Variants in FAM228B observed in about 807,000 individuals in gnomAD.
FAM228B encodes the protein protein FAM228B.
A neutral mutation model predicts 42.6 loss-of-function variants in FAM228B; 38 were observed. The observed-to-expected ratio is 0.89, with a 90% CI of 0.69 to 1.17. The LOEUF is 1.17. FAM228B is among the 50% of genes most tolerant of loss of function. The pLI is 0.00. For synonymous variants in FAM228B, 109 were observed against 122.3 expected, an observed-to-expected ratio of 0.89 and a Z score of 0.72; for missense variants, 344 against 367.3, an observed-to-expected ratio of 0.94 and a Z score of 0.52.
intron 5 of FAM228B, among the ~76,000 whole-genome samples, chr2:24,141,490 C>T (rs1247294838): frequency 2.0e-5 from 3 of 152,094 alleles, no homozygotes; most frequent in Admixed American, 1.3e-4. Context: ...GTGATCCACC[C>T]GCCTCGACCT....
intron 4 of FAM228B, among the ~76,000 whole-genome samples, chr2:24,138,641 A>C (rs181048313): frequency 1.5e-4 from 22 of 147,782 alleles, no homozygotes; most frequent in Non-Finnish European, 2.2e-4. Flanking sequence ...AGCCCTCCCC[A>C]TGTAATTATT....
At chr2:24,123,628 T>C (rs1359809592) in intron 1 of FAM228B, 95 bp downstream of exon 1, 3 of 151,720 alleles carry the variant, frequency 2.0e-5, no homozygotes, top group Non-Finnish European at 4.4e-5. Context: ...GGCCCGAGTG[T>C]GTAGCAGGAC....
intron 10 of FAM228B, 80 bp downstream of exon 10, chr2:24,167,763 A>G: frequency 6.7e-7 from 1 of 1,488,124 alleles, no homozygotes. Flanking sequence ...TGATATCTTC[A>G]GAGTCCACAG....
At chr2:24,142,396 A>G (rs959932091) in intron 5 of FAM228B, 1 of 152,190 alleles carries the variant, frequency 6.6e-6, no homozygotes, top group Admixed American at 6.5e-5. Context: ...TTCCCTTCAG[A>G]TGGATCTTCA....
chr2:24,079,981 A>G (rs1664928658), intron 1 of FAM228B, among the ~76,000 whole-genome samples: 1 of 152,208 alleles, frequency 6.6e-6, no homozygotes, highest in Non-Finnish European at 1.5e-5. Context: ...AGTTGTTCAC[A>G]TAGAAGTTAG....
chr2:24,168,247 G>C (rs527454684), intron 10 of FAM228B, among the ~76,000 whole-genome samples: 2 of 152,298 alleles, frequency 1.3e-5, no homozygotes, highest in African/African-American at 4.8e-5. Context: ...CAATCACCTG[G>C]GGGTGAGTGT....
At chr2:24,141,670 G>A (rs1013187174) in intron 5 of FAM228B, among the ~76,000 whole-genome samples, 11 of 152,186 alleles carry the variant, frequency 7.2e-5, no homozygotes, top group African/African-American at 1.9e-4. Flanking sequence ...GAGCCACCGC[G>A]CCTGGCCTAG....
At chr2:24,165,647 G>A (rs1468499909) in intron 9 of FAM228B, 2 of 343,156 alleles carry the variant, frequency 5.8e-6, no homozygotes, top group Non-Finnish European at 1.2e-5. Context: ...GACCATGGAA[G>A]AGCACAATTT....
chr2:24,085,643 C>G (rs1190553993), intron 2 of FAM228B: 1 of 152,200 alleles, frequency 6.6e-6, no homozygotes, highest in East Asian at 1.9e-4. Flanking sequence ...CCCCTTACCC[C>G]TGATGCCTCT....
Position 24,077,680 on chromosome 2 carries a change from C to G in FAM228B, c.-290+711C>G, listed in dbSNP as rs1464748431. The G allele has an allele frequency of 5.0e-6, 8 of 1,613,970 alleles. No individual in the cohort carries two copies. Among genetic ancestry groups the G allele is most frequent in the Admixed American group, 1.7e-5 (1 of 60,002 alleles). ...GTCACTGGGTAGATTCTGTCCAGAACCGGCAGCAGACGTTGGGGGCCCTCC... is the reference window on the plus strand; with the variant it reads ...GTCACTGGGTAGATTCTGTCCAGAAGCGGCAGCAGACGTTGGGGGCCCTCC... On this transcript the variant is annotated intron_variant, in intron 1 of 10. Coordinates refer to the FAM228B transcript ENST00000613899. The surrounding 1 kb of genome is among the most constrained non-coding windows in gnomAD (Gnocchi z 5.5).
At chr2:24,115,298 A>G in intron 3 of FAM228B, 1 of 397,266 alleles carries the variant, frequency 2.5e-6, no homozygotes, top group East Asian at 4.6e-5. Flanking sequence ...GGTGTGTAGG[A>G]GTACAAGAGC....
chr2:24,106,791 T>C (rs1665708244), intron 3 of FAM228B, among the ~76,000 whole-genome samples: 1 of 152,132 alleles, frequency 6.6e-6, no homozygotes, highest in African/African-American at 2.4e-5. Flanking sequence ...GTAGCAAATA[T>C]GGATGGGAAA....
Position 24,124,399 on chromosome 2 carries a change from C to T in FAM228B, c.38C>T (p.Thr13Ile). 2 of 1,551,908 alleles carry T rather than the reference C, an allele frequency of 1.3e-6. No homozygotes were observed. Among genetic ancestry groups the T allele is most frequent in the Non-Finnish European group, 1.7e-6 (2 of 1,147,018 alleles). ...GACAGTGATGATCTGGTAACTGGCA[C>T]ACTTCCCAAGCTCAAGAGCTCAAAA... ...NVDSDDLVTG[T>I]LPKLKSSKEW... is the part of the protein sequence containing the mutation. Residue 13 changes from threonine to isoleucine, a missense_variant, in exon 2 of 11, where the codon ACA (threonine) becomes ATA (isoleucine). Physicochemically the swap from Thr to Ile is moderately conservative, Grantham distance 89. Transcript: ENST00000615575.
At position 24,116,821 on chromosome 2, in the gene FAM228B, G is replaced by A. The variant is rs1364488385; in HGVS notation, c.-120-18298G>A. On this transcript the variant is annotated intron_variant, in intron 3 of 10. Coordinates refer to the FAM228B transcript ENST00000613899. ...ATCTCTTGAACCTGGAAGTTGCAGG[G>A]AGCCAATATCACACCACTGCACTTT... 2.6e-5 allele frequency among the ~76,000 whole-genome samples: 4 copies of A among 151,130 alleles called. No individual in the cohort carries two copies. In the East Asian group the frequency reaches 7.8e-4, roughly 30 times the overall value.
At chr2:24,083,295 G>A (rs1248561571) in intron 2 of FAM228B, 3 of 1,067,564 alleles carry the variant, frequency 2.8e-6, no homozygotes, top group African/African-American at 1.6e-5. Context: ...GTAAGGAGAA[G>A]AAAAAGGAGA....
chr2:24,136,703 C>T (rs1666600253), intron 3 of FAM228B, among the ~76,000 whole-genome samples: 1 of 152,158 alleles, frequency 6.6e-6, no homozygotes. Flanking sequence ...ATGTCTCCCA[C>T]TTTGGGAGTC....
At chr2:24,093,035 C>T (rs1030266872) in intron 2 of FAM228B, among the ~76,000 whole-genome samples, 2 of 151,770 alleles carry the variant, frequency 1.3e-5, no homozygotes, top group South Asian at 2.1e-4. Flanking sequence ...GGGCTCAAGG[C>T]GTTTCTCCTT....
At chr2:24,137,804 T>C in intron 3 of FAM228B, 105 bp from the exon 4 acceptor site, 1 of 699,932 alleles carries the variant, frequency 1.4e-6, no homozygotes, top group Non-Finnish European at 2.3e-6. Flanking sequence ...TCTCTGTGGG[T>C]TATTCTTAGG....
Position 24,077,880 on chromosome 2 carries a change from C to T in FAM228B, c.-290+911C>T. On this transcript the variant is annotated intron_variant, in intron 1 of 10. Coordinates refer to the FAM228B transcript ENST00000613899. The surrounding 1 kb of genome is among the most constrained non-coding windows in gnomAD (Gnocchi z 5.5). ...GTATCTGAAAAAGCACACAGGGACA[C>T]TTAACCCCTCACTTCCTAGCATGTG... 9.4e-7 allele frequency: 1 copy of T among 1,058,468 alleles called. No homozygotes were observed. The highest frequency in any genetic ancestry group is 1.4e-6 in the Non-Finnish European group (1 of 730,588). The allele number at this position is 1,058,468 out of a possible 1,614,324, so 65.6% of individuals were successfully genotyped here. A position where few individuals can be genotyped will look rare whatever the true frequency, so the allele number is the denominator to read the frequency against.
Sources: gnomAD v4.1 joint callset for allele counts (sites outside exome capture counted in the v4.1 genomes callset) on GRCh38, gnomAD v4.1.1 for gene constraint, Gnocchi (gnomAD v3.1) non-coding constraint, MANE v1.5 for transcripts, NCBI Gene and HGNC (gene_info 2026-07-23, HGNC 2026-07-21) for gene names.